The following OCA2 variants were observed in gnomAD, a reference collection of about 807,000 sequenced individuals.
The protein encoded by OCA2 is OCA2 melanosomal transmembrane protein.
Under a neutral mutation model 100.2 loss-of-function variants are expected in OCA2, and 77 were observed. The observed-to-expected ratio is 0.77, with a 90% CI of 0.64 to 0.93. The LOEUF (loss-of-function observed/expected upper bound fraction) is 0.93. Ranked by LOEUF, OCA2 falls within the 40% of genes least tolerant of loss-of-function variation. The pLI is 0.00. For missense variants in OCA2, 1,062 were observed against 1,089.1 expected (o/e 0.98, Z 0.35); for synonymous variants, 432 against 439.2 (o/e 0.98, Z 0.21).
chr15:27,907,000 G>C (rs965303233), intron 19 of OCA2, among the ~76,000 whole-genome samples: 1 of 152,156 alleles, frequency 6.6e-6, no homozygotes, highest in African/African-American at 2.4e-5. Context: ...GACTAATAGA[G>C]TGAGAACTCA....
At position 28,027,222 on chromosome 15, in the gene OCA2, C is replaced by A. The variant is rs139905675; in HGVS notation, c.515+649G>T. ...CACGCATGCGCGCCCTAGGCCTACA[C>A]ACGCATGCGTACTCCCACTCCCACG... On this transcript the variant is annotated intron_variant, in intron 4 of 23. Transcript: ENST00000354638. Among the ~76,000 whole-genome samples, 5 of 152,336 alleles carry A rather than the reference C, an allele frequency of 3.3e-5. No homozygotes were observed. The South Asian group carries it at 6.2e-4, about 19-fold the overall frequency.
intron 19 of OCA2, among the ~76,000 whole-genome samples, chr15:27,890,399 C>T (rs753390575): frequency 6.6e-6 from 1 of 152,114 alleles, no homozygotes; most frequent in African/African-American, 2.4e-5. Flanking sequence ...CAAAGAAATC[C>T]ATATCAAAAT....
chr15:27,912,251 G>A (rs1465085650), intron 19 of OCA2, among the ~76,000 whole-genome samples: 5 of 152,258 alleles, frequency 3.3e-5, no homozygotes, highest in South Asian at 4.1e-4. Context: ...TAGATTCAGC[G>A]ACATCTAAAT....
downstream of OCA2, among the ~76,000 whole-genome samples, chr15:27,754,027 G>C (rs1444321602): frequency 6.6e-6 from 1 of 152,110 alleles, no homozygotes. Flanking sequence ...ACCAAGCAAA[G>C]TACGGGCAGC....
At chr15:27,750,508 T>C (rs1442658845), downstream of OCA2, among the ~76,000 whole-genome samples, 2 of 152,190 alleles carry the variant, frequency 1.3e-5, no homozygotes, top group Non-Finnish European at 2.9e-5. Context: ...CTCAGATTTT[T>C]ATGTGTCCCT....
At chr15:28,067,812 T>TGGTTGTTGGAGTGTTCTGC in intron 2 of OCA2, among the ~76,000 whole-genome samples, 1 of 152,314 alleles carries the variant, frequency 6.6e-6, no homozygotes, top group Admixed American at 6.5e-5. Flanking sequence ...GTATGTTCTG[T>TGGTTGTTGGAGTGTTCTGC]GGTTGTTGGA....
chr15:27,973,136 C>T (rs926593692), intron 14 of OCA2, among the ~76,000 whole-genome samples: 4 of 152,108 alleles, frequency 2.6e-5, no homozygotes, highest in Admixed American at 6.6e-5. Context: ...TCCCAAAGTG[C>T]TGGGATTACA....
At chr15:27,810,405 T>G (rs2034029106) in intron 23 of OCA2, among the ~76,000 whole-genome samples, 1 of 152,222 alleles carries the variant, frequency 6.6e-6, no homozygotes, top group Admixed American at 6.5e-5. Context: ...ATAAACATTC[T>G]AGAAGATAAC....
rs139891094 is a variant in OCA2, at chr15:28,018,614, C to T, written c.647-57G>A. 2,260 of 1,534,860 alleles carry T rather than the reference C, an allele frequency of 1.5e-3. 5 individuals carry two copies. The highest frequency in any genetic ancestry group is 5.5e-3 in the African/African-American group (401 of 73,214). ...GACAGGAGAAACCCCATGTCCCCGC[C>T]GCCCGCCAGACGCACACCCTCCTCT... On this transcript the variant is annotated intron_variant, in intron 6 of 23. Transcript: ENST00000354638.
chr15:28,032,268 A>T, intron 2 of OCA2, 105 bp from the exon 3 acceptor site: 1 of 921,766 alleles, frequency 1.1e-6, no homozygotes, highest in Non-Finnish European at 1.8e-6. Flanking sequence ...TTCAGTGATA[A>T]ATCTTACAAG....
intron 19 of OCA2, among the ~76,000 whole-genome samples, chr15:27,918,046 C>A (rs750944271): frequency 5.4e-4 from 82 of 150,498 alleles, no homozygotes; most frequent in Non-Finnish European, 1.0e-3. Context: ...TGTTACAGGA[C>A]AAGCAAAGTT....
Position 27,857,441 on chromosome 15 carries a change from G to T in OCA2, c.2245-5966C>A, listed in dbSNP as rs558961675. 5.3e-5 allele frequency among the ~76,000 whole-genome samples: 8 copies of T among 152,204 alleles called. No homozygotes were observed. The East Asian group carries it at 1.5e-3, about 29-fold the overall frequency. On this transcript the variant is annotated intron_variant, in intron 21 of 23. Transcript: ENST00000354638. The stretch of plus-strand genomic sequence containing the variant: ...GGGGAATTATTTTTAATGGGTACAG[G>T]GTTTTAGTTTTGCAAGGAAAAGAGC...
chr15:27,796,238 CAT>C (rs1250357858), intron 23 of OCA2, among the ~76,000 whole-genome samples: 25 of 152,382 alleles, frequency 1.6e-4, no homozygotes, highest in African/African-American at 5.8e-4. Context: ...TCAACTAAGA[CAT>C]GTGTTTCTAA....
intron 9 of OCA2, among the ~76,000 whole-genome samples, chr15:27,991,329 C>T (rs2141023637): frequency 6.6e-6 from 1 of 152,310 alleles, no homozygotes; most frequent in South Asian, 2.1e-4. Context: ...CCACACAAAG[C>T]ACTGATGCTC....
chr15:27,944,607 C>G (rs1053879986), intron 18 of OCA2, among the ~76,000 whole-genome samples: 1 of 152,282 alleles, frequency 6.6e-6, no homozygotes, highest in South Asian at 2.1e-4. Flanking sequence ...ATGGCTCCAC[C>G]TGGACTGGCC....
intron 2 of OCA2, among the ~76,000 whole-genome samples, chr15:28,040,403 A>G (rs2043168794): frequency 6.6e-6 from 1 of 152,362 alleles, no homozygotes; most frequent in African/African-American, 2.4e-5. Flanking sequence ...ACATTAAAAA[A>G]GAAGAAAGAT....
At chr15:27,795,989 T>C (rs1001876939) in intron 23 of OCA2, among the ~76,000 whole-genome samples, 1 of 152,250 alleles carries the variant, frequency 6.6e-6, no homozygotes, top group Non-Finnish European at 1.5e-5. Flanking sequence ...CTCAAGCACA[T>C]TGTTTTTGTG....
At chr15:27,918,593 A>G (rs2038752258) in intron 19 of OCA2, among the ~76,000 whole-genome samples, 1 of 152,238 alleles carries the variant, frequency 6.6e-6, no homozygotes, top group Non-Finnish European at 1.5e-5. Context: ...CATTAGTTTC[A>G]GTCACAAATG....
At chr15:27,986,954 G>T (rs1163781963) in intron 11 of OCA2, among the ~76,000 whole-genome samples, 1 of 152,144 alleles carries the variant, frequency 6.6e-6, no homozygotes, top group Non-Finnish European at 1.5e-5. Context: ...CTGTTTTATA[G>T]ACTAGAAAAT....
Sources: allele counts gnomAD v4.1 joint callset (sites outside exome capture counted in the v4.1 genomes callset), GRCh38; gene constraint gnomAD v4.1.1; transcripts MANE v1.5; gene names NCBI Gene and HGNC (gene_info 2026-07-23, HGNC 2026-07-21).